ARPC1A: variants seen among roughly 807,000 people sequenced by gnomAD.
The protein encoded by ARPC1A is actin related protein 2/3 complex subunit 1A.
A neutral mutation model predicts 46.9 loss-of-function variants in ARPC1A; 8 were observed. That is an observed-to-expected ratio of 0.17 (90% CI 0.10 to 0.31). The LOEUF is 0.31. ARPC1A is among the 10% of genes least tolerant of loss of function. ARPC1A has a pLI of 1.00. For synonymous variants in ARPC1A, 152 were observed against 169.0 expected (o/e 0.90, Z 0.78); for missense variants, 286 against 483.6 (o/e 0.59, Z 3.83).
At chr7:99,359,867 C>A in intron 8 of ARPC1A, 129 bp downstream of exon 8, 2 of 1,120,106 alleles carry the variant, frequency 1.8e-6, no homozygotes, top group Non-Finnish European at 2.6e-6. Flanking sequence ...ACAAGTGCAG[C>A]AAGAAGTCTG....
chr7:99,365,116 C>T (rs896592546), intron 9 of ARPC1A, among the ~76,000 whole-genome samples: 4 of 152,114 alleles, frequency 2.6e-5, no homozygotes, highest in African/African-American at 4.8e-5. Flanking sequence ...AGGCGCTGCC[C>T]GTGCTGTGGT....
intron 6 of ARPC1A, among the ~76,000 whole-genome samples, chr7:99,354,831 A>C (rs1793603825): frequency 6.6e-6 from 1 of 151,382 alleles, no homozygotes; most frequent in Non-Finnish European, 1.5e-5. Context: ...AAAATACAAA[A>C]ATTAGCCGCA....
chr7:99,348,883 C>T lies in ARPC1A; in HGVS notation c.424C>T (p.Arg142Cys). Residue 142 changes from arginine (R) to cysteine (C), a missense_variant, in exon 5 of 10, where the codon CGC becomes TGC. Physicochemically the swap from Arg to Cys is radical, Grantham distance 180. Around this residue, in one of 5 missense-constraint regions of ARPC1A, gnomAD observed 11 missense variants for 32.4 expected, o/e 0.34. Coordinates refer to ENST00000262942, the MANE Select transcript of ARPC1A (RefSeq NM_006409.4). ...GAGCAAGCACATTAAAAAGCCGATT[C>T]GCTCCACAGTCCTCAGCTTGGATTG... ...WVSKHIKKPI[R>C]STVLSLDWHP... The T allele has an allele frequency of 6.2e-7, 1 of 1,613,978 alleles. No homozygotes were observed. The highest frequency in any genetic ancestry group is 8.5e-7 in the Non-Finnish European group (1 of 1,179,930).
intron 1 of ARPC1A, among the ~76,000 whole-genome samples, chr7:99,332,317 A>G (rs150890241): frequency 1.8e-4 from 28 of 152,322 alleles, no homozygotes; most frequent in African/African-American, 6.5e-4. Flanking sequence ...ACTATTTATA[A>G]GTGACGATGT....
Position 99,338,547 on chromosome 7 carries a change from G to A in ARPC1A, c.169+262G>A, listed in dbSNP as rs557481562. The stretch of plus-strand genomic sequence containing the variant: ...ATTACAGGCACGCGCCACTATGCCT[G>A]GCTAATTTTTTTTATTTTTAGTAGA... On this transcript the variant is annotated intron_variant, in intron 3 of 9. Transcript: ENST00000262942. Among the ~76,000 whole-genome samples, 4 of 151,748 alleles carry A rather than the reference G, an allele frequency of 2.6e-5. No individual in the cohort carries two copies. The East Asian group carries it at 7.7e-4, about 29-fold the overall frequency.
At chr7:99,348,739 T>C in intron 4 of ARPC1A, 113 bp from the exon 5 acceptor site, 2 of 602,016 alleles carry the variant, frequency 3.3e-6, no homozygotes, top group Non-Finnish European at 5.4e-6. Flanking sequence ...TAATTTTTTT[T>C]TAAATTAAGG....
chr7:99,359,639 G>T lies in ARPC1A; in HGVS notation c.884G>T (p.Arg295Leu). Reference protein sequence around the residue: ...KLDIPKQSIQRNMSAMERFRN... With the variant: ...KLDIPKQSIQLNMSAMERFRN... ...GATATTCCAAAACAGAGCATCCAAC[G>T]CAACATGTCTGCCATGGAACGCTTC... Residue 295 changes from arginine to leucine, a missense_variant, in exon 8 of 10, where the codon CGC (arginine) becomes CTC (leucine). This residue lies in a region of ARPC1A where 182 missense variants were observed against 276.7 expected (regional missense o/e 0.66). Coordinates refer to ENST00000262942, the MANE Select transcript of ARPC1A (RefSeq NM_006409.4). The T allele has an allele frequency of 1.2e-6, 2 of 1,614,084 alleles. No homozygotes were observed. Among genetic ancestry groups the T allele is most frequent in the Non-Finnish European group, 1.7e-6 (2 of 1,180,040 alleles).
At chr7:99,331,511 T>C (rs143856560) in intron 1 of ARPC1A, among the ~76,000 whole-genome samples, 1 of 152,302 alleles carries the variant, frequency 6.6e-6, no homozygotes, top group Non-Finnish European at 1.5e-5. Flanking sequence ...TCCTATCTAA[T>C]GGCAATACCG....
chr7:99,326,605 C>T (rs1330516367), intron 1 of ARPC1A, among the ~76,000 whole-genome samples: 1 of 152,236 alleles, frequency 6.6e-6, no homozygotes, highest in Non-Finnish European at 1.5e-5. Context: ...CTGGCACCAC[C>T]ACTTTGTTGA....
chr7:99,345,211 C>T (rs1014072692), intron 4 of ARPC1A, among the ~76,000 whole-genome samples: 6 of 151,776 alleles, frequency 4.0e-5, no homozygotes, highest in African/African-American at 7.3e-5. Flanking sequence ...GGATTACAGG[C>T]GTGAGCCACC....
At chr7:99,344,654 C>A in intron 4 of ARPC1A, 139 bp downstream of exon 4, 1 of 894,514 alleles carries the variant, frequency 1.1e-6, no homozygotes, top group Non-Finnish European at 1.7e-6. Context: ...TCTGTCTGAG[C>A]ATTTTCCCTT....
chr7:99,341,600 ACT>A (rs1315576423), intron 3 of ARPC1A, among the ~76,000 whole-genome samples: 3 of 142,298 alleles, frequency 2.1e-5, no homozygotes, highest in African/African-American at 8.7e-5. Flanking sequence ...TAAGAGCAAA[ACT>A]CTGTCTCAAA....
chr7:99,341,154 C>G (rs982626981), intron 3 of ARPC1A, among the ~76,000 whole-genome samples: 1 of 151,070 alleles, frequency 6.6e-6, no homozygotes, highest in African/African-American at 2.4e-5. Context: ...ACTAAAAATA[C>G]AAAAATTAGC....
chr7:99,334,743 G>A lies in ARPC1A; in HGVS notation c.64+1326G>A, dbSNP rs1350144714. ...GTCATCCAAGCTGGAGTGCAGTGGT[G>A]CAATCTCGGCTTACTGCAACCTCCG... is the stretch of plus-strand genomic sequence containing the variant. On this transcript the variant is annotated intron_variant, in intron 2 of 9. Transcript: ENST00000262942. Among the ~76,000 whole-genome samples, 4 of 152,118 alleles carry A rather than the reference G, an allele frequency of 2.6e-5. No homozygotes were observed. The South Asian group carries it at 8.3e-4, about 32-fold the overall frequency.
At chr7:99,358,494 C>A in intron 7 of ARPC1A, 79 bp downstream of exon 7, 1 of 1,270,536 alleles carries the variant, frequency 7.9e-7, no homozygotes, top group Non-Finnish European at 1.1e-6. Context: ...CTCTGTCACC[C>A]TAGCACAAAG....
In ARPC1A at chr7:99,329,718, C is replaced by G. The variant is rs115099024; in HGVS notation, c.-29-3607C>G. Among the ~76,000 whole-genome samples the G allele has an allele frequency of 4.0e-3, 615 of 152,288 alleles. 4 individuals are homozygous for G. The highest frequency in any genetic ancestry group is 0.014 in the African/African-American group (572 of 41,556). The stretch of plus-strand genomic sequence containing the variant: ...AGTAATTACACTGTTGTGTAAATGG[C>G]CACCTCTTTTGAAGTCTTTGCTACA... On this transcript the variant is annotated intron_variant, in intron 1 of 9. Coordinates refer to ENST00000262942, the MANE Select transcript of ARPC1A (RefSeq NM_006409.4).
At chr7:99,362,648 G>GTT (rs1030997872) in intron 8 of ARPC1A, among the ~76,000 whole-genome samples, 2 of 143,294 alleles carry the variant, frequency 1.4e-5, no homozygotes, top group Non-Finnish European at 3.1e-5. Context: ...GGCCTTTGTT[G>GTT]TTTTTTTTTT....
At chr7:99,348,207 T>C (rs1467014507) in intron 4 of ARPC1A, among the ~76,000 whole-genome samples, 1 of 152,206 alleles carries the variant, frequency 6.6e-6, no homozygotes, top group Non-Finnish European at 1.5e-5. Context: ...ATATTCATAA[T>C]AAAAATTGAA....
At chr7:99,327,401 C>T (rs1214674995) in intron 1 of ARPC1A, among the ~76,000 whole-genome samples, 1 of 152,066 alleles carries the variant, frequency 6.6e-6, no homozygotes, top group Non-Finnish European at 1.5e-5. Context: ...ACCTCCACCT[C>T]CTGGGTTCAA....
Sources: allele counts gnomAD v4.1 joint callset (sites outside exome capture counted in the v4.1 genomes callset), GRCh38; gene constraint gnomAD v4.1.1; regional missense constraint gnomAD v4.1.1; transcripts MANE v1.5; gene names NCBI Gene and HGNC (gene_info 2026-07-23, HGNC 2026-07-21).